NBEA: variants seen among roughly 807,000 people sequenced by gnomAD.
NBEA encodes the protein lysosomal-trafficking regulator 2.
NBEA carries 44 observed loss-of-function variants against 343.4 expected under a neutral mutation model. That is an observed-to-expected ratio of 0.13 (90% CI 0.10 to 0.16). NBEA has a LOEUF of 0.16. Among genes scored for constraint, NBEA ranks in the 10% least tolerant of loss-of-function variants. NBEA has a pLI of 1.00. For missense variants in NBEA, 2,555 were observed against 3,631.3 expected (o/e 0.70, Z 7.62); for synonymous variants, 1,175 against 1,238.7 (o/e 0.95, Z 1.08).
chr13:35,457,222 A>T (rs2046629767), intron 40 of NBEA, among the ~76,000 whole-genome samples: 1 of 152,010 alleles, frequency 6.6e-6, no homozygotes, highest in South Asian at 2.1e-4. Context: ...GGCCAGTCAT[A>T]TCATCTCCAT....
rs559806210 is a variant in NBEA at position 35,567,068 on chromosome 13, A to G, written c.7035+51A>G. ...GCTTTCTTCATAAGGCTATAGTCTA[A>G]TAGTATTTCTGTCAGAGTATATATA... On this transcript the variant is annotated intron_variant, in intron 45 of 58. Coordinates refer to ENST00000379939, the MANE Select transcript of NBEA (RefSeq NM_001385012.1). 5.2e-6 allele frequency: 5 copies of G among 964,666 alleles called. No homozygotes were observed. The African/African-American group carries it at 8.2e-5, about 16-fold the overall frequency. 59.8% of individuals were successfully genotyped at this position (964,666 alleles called of 1,614,324 possible).
intron 16 of NBEA, 26 bp downstream of exon 16, chr13:35,118,500 A>G (rs753516225): frequency 6.7e-7 from 1 of 1,496,344 alleles, no homozygotes; most frequent in South Asian, 1.2e-5. Context: ...TAGTATTACT[A>G]TTAGACTTTA....
chr13:35,445,256 A>G (rs943225751), intron 39 of NBEA, among the ~76,000 whole-genome samples: 1 of 152,078 alleles, frequency 6.6e-6, no homozygotes, highest in Non-Finnish European at 1.5e-5. Context: ...AGCATTAACT[A>G]TGTTCTTTTT....
chr13:35,618,504 G>C (rs962188848), intron 48 of NBEA, among the ~76,000 whole-genome samples: 1 of 146,658 alleles, frequency 6.8e-6, no homozygotes, highest in African/African-American at 2.6e-5. Context: ...TGTTTGTTTT[G>C]TAAATACAGT....
At chr13:35,641,226 ATACT>A (rs1438099811) in intron 49 of NBEA, among the ~76,000 whole-genome samples, 10 of 152,168 alleles carry the variant, frequency 6.6e-5, no homozygotes, top group African/African-American at 1.7e-4. Flanking sequence ...GGGTTCACAA[ATACT>A]TACAGAAAAT....
intron 1 of NBEA, among the ~76,000 whole-genome samples, chr13:34,986,617 C>G (rs1015600509): frequency 6.6e-6 from 1 of 150,710 alleles, no homozygotes; most frequent in African/African-American, 2.4e-5. Context: ...ATTGATCTGT[C>G]TAATATTGAC....
chr13:35,050,064 A>G (rs753357313), intron 5 of NBEA, among the ~76,000 whole-genome samples: 10 of 151,942 alleles, frequency 6.6e-5, no homozygotes, highest in South Asian at 4.1e-4. Context: ...AAAAGCTGTC[A>G]TAGTCTTTTA....
chr13:35,030,332 C>A (rs184983055), intron 1 of NBEA, among the ~76,000 whole-genome samples: 7 of 151,712 alleles, frequency 4.6e-5, no homozygotes, highest in Admixed American at 4.6e-4. Context: ...CCATAAAAAT[C>A]ATTGTTTCCT....
chr13:35,477,561 TA>T (rs1168460007), intron 41 of NBEA, among the ~76,000 whole-genome samples: 1 of 152,164 alleles, frequency 6.6e-6, no homozygotes, highest in African/African-American at 2.4e-5. Context: ...TTTTAGTACA[TA>T]AAATTCAGGT....
intron 1 of NBEA, among the ~76,000 whole-genome samples, chr13:35,008,827 G>A (rs918704061): frequency 3.3e-5 from 5 of 151,986 alleles, no homozygotes; most frequent in African/African-American, 1.2e-4. Context: ...CTTACTTTTG[G>A]GGTATACTTA....
chr13:35,447,989 A>T (rs900275521), intron 39 of NBEA, among the ~76,000 whole-genome samples: 3 of 152,164 alleles, frequency 2.0e-5, no homozygotes, highest in Non-Finnish European at 4.4e-5. Flanking sequence ...TTCATAAAGG[A>T]TATTGTGATT....
At chr13:35,225,076 C>G (rs1385024639) in intron 33 of NBEA, among the ~76,000 whole-genome samples, 21 of 152,106 alleles carry the variant, frequency 1.4e-4, no homozygotes. Context: ...CTACCCTGTT[C>G]TGATTCAGAG....
chr13:35,124,729 T>G (rs9706622), intron 17 of NBEA, among the ~76,000 whole-genome samples: 1 of 151,328 alleles, frequency 6.6e-6, no homozygotes, highest in East Asian at 1.9e-4. Flanking sequence ...TATATACACA[T>G]ATGTATGGAT....
At chr13:35,380,454 T>TATA (rs550439401) in intron 38 of NBEA, among the ~76,000 whole-genome samples, 3,675 of 151,644 alleles carry the variant, frequency 0.024, 155 homozygotes, top group African/African-American at 0.078. Flanking sequence ...TCTCAAAAAA[T>TATA]ATAATAATAA....
At chr13:35,524,400 A>T (rs1468328270) in intron 41 of NBEA, among the ~76,000 whole-genome samples, 2 of 152,146 alleles carry the variant, frequency 1.3e-5, no homozygotes, top group Non-Finnish European at 2.9e-5. Context: ...TGCCTTTCCC[A>T]TCTGTTTTTC....
intron 38 of NBEA, among the ~76,000 whole-genome samples, chr13:35,385,194 A>C (rs2042186714): frequency 6.6e-6 from 1 of 152,034 alleles, no homozygotes; most frequent in South Asian, 2.1e-4. Flanking sequence ...GGTTGGCTTG[A>C]GTTTCTGTAT....
intron 31 of NBEA, among the ~76,000 whole-genome samples, chr13:35,197,063 C>G (rs982091837): frequency 6.6e-6 from 1 of 152,000 alleles, no homozygotes; most frequent in Non-Finnish European, 1.5e-5. Flanking sequence ...AACCTAATAC[C>G]CTAGTCATCT....
chr13:35,442,630 T>C (rs2045802704), intron 39 of NBEA, among the ~76,000 whole-genome samples: 1 of 152,210 alleles, frequency 6.6e-6, no homozygotes, highest in African/African-American at 2.4e-5. Flanking sequence ...ACTTTTTTAA[T>C]TGCATTTCTC....
chr13:35,486,675 T>C (rs1015653268), intron 41 of NBEA, among the ~76,000 whole-genome samples: 2 of 152,060 alleles, frequency 1.3e-5, no homozygotes, highest in African/African-American at 2.4e-5. Flanking sequence ...TAGCCAGATA[T>C]AATTCATAGA....
Sources: gnomAD v4.1 joint callset for allele counts (sites outside exome capture counted in the v4.1 genomes callset) on GRCh38, gnomAD v4.1.1 for gene constraint, MANE v1.5 for transcripts, NCBI Gene and HGNC (gene_info 2026-07-23, HGNC 2026-07-21) for gene names.